The following WDR35 variants were observed in gnomAD, a reference collection of about 807,000 sequenced individuals.
WDR35 encodes WD repeat domain 35.
In WDR35, 118 loss-of-function variants were observed where a neutral mutation model predicts 158.3. The ratio of observed to expected loss-of-function variants is 0.75; its 90% CI spans 0.64 to 0.87. WDR35 has a LOEUF of 0.87. Ranked by LOEUF, WDR35 falls within the 40% of genes least tolerant of loss-of-function variation. The probability of loss-of-function intolerance (pLI) is 0.00; values close to 1 mark genes in which losing one functional copy is unlikely to be tolerated. For missense variants in WDR35, 1,263 were observed against 1,405.8 expected (o/e 0.90, Z 1.62); for synonymous variants, 448 against 476.1 (o/e 0.94, Z 0.77).
chr2:19,936,098 A>G (rs903242295), intron 20 of WDR35, 121 bp downstream of exon 20: 3 of 1,451,770 alleles, frequency 2.1e-6, no homozygotes, highest in Non-Finnish European at 2.8e-6. Flanking sequence ...ATCTAGAGCT[A>G]TCTGAATTTT....
At chr2:19,950,221 A>T (rs1245949277) in intron 13 of WDR35, among the ~76,000 whole-genome samples, 2 of 152,198 alleles carry the variant, frequency 1.3e-5, no homozygotes, top group Non-Finnish European at 2.9e-5. Context: ...GAAAAGCCAG[A>T]GATAAAACCA....
At chr2:19,939,810 A>G (rs1670811950) in intron 17 of WDR35, among the ~76,000 whole-genome samples, 2 of 152,162 alleles carry the variant, frequency 1.3e-5, no homozygotes, top group South Asian at 4.1e-4. Context: ...AATTTAACCA[A>G]CACTTTCTGA....
chr2:19,985,899 G>GAAAAAAAAA (rs70939024), intron 2 of WDR35, among the ~76,000 whole-genome samples: 1 of 71,166 alleles, frequency 1.4e-5, no homozygotes, highest in Non-Finnish European at 2.9e-5. Context: ...CCCATCTCGG[G>GAAAAAAAAA]AAAAAAAAAA....
chr2:19,932,569 G>T, intron 22 of WDR35, 122 bp from the exon 23 acceptor site: 1 of 1,221,332 alleles, frequency 8.2e-7, no homozygotes, highest in Non-Finnish European at 1.2e-6. Flanking sequence ...AAACTGGTAT[G>T]TTTTAAAAAT....
Position 19,914,107 on chromosome 2 carries a change from C to A in WDR35, c.3292G>T (p.Ala1098Ser), listed in dbSNP as rs762722202. Reference protein sequence around the residue: ...SEQKQQYEDLALEIFTKHTSK... With the variant: ...SEQKQQYEDLSLEIFTKHTSK... ...GTATGTTTGGTGAAGATTTCTAAAG[C>A]AAGGTCTTCATACTGCTGTTTCTGT... Residue 1098 changes from alanine (A) to serine (S), a missense_variant, in exon 26 of 27, where the codon GCT becomes TCT. Coordinates refer to ENST00000281405, the MANE Select transcript of WDR35 (RefSeq NM_020779.4). 6.2e-7 allele frequency: 1 copy of A among 1,614,150 alleles called. No individual in the cohort carries two copies. Among genetic ancestry groups the A allele is most frequent in the African/African-American group, 1.3e-5 (1 of 75,046 alleles).
At chr2:19,970,363 C>T (rs1208520053) in intron 8 of WDR35, among the ~76,000 whole-genome samples, 2 of 152,194 alleles carry the variant, frequency 1.3e-5, no homozygotes, top group African/African-American at 4.8e-5. Flanking sequence ...CCAAGTCCTA[C>T]TGCTTTTACT....
chr2:19,934,024 A>AACCACCACCACCACCACCACCACC lies in WDR35; in HGVS notation c.2548-537_2548-514dup, dbSNP rs57759587. 4.3e-4 allele frequency among the ~76,000 whole-genome samples: 45 copies of AACCACCACCACCACCACCACCACC among 105,094 alleles called. 2 individuals are homozygous for AACCACCACCACCACCACCACCACC. The highest frequency in any genetic ancestry group is 3.9e-3 in the Middle Eastern group (1 of 254). The allele number at this position is 105,094 out of a possible 152,430, so 68.9% of individuals were successfully genotyped here. ...TTGGAAAGTGGTGGCAGCGAGGAAG[A>AACCACCACCACCACCACCACCACC]ACCACCACCACCACCACCACCACCA... On this transcript the variant is annotated intron_variant, in intron 21 of 26. Transcript: ENST00000281405. The surrounding 1 kb of genome is among the most constrained non-coding windows in gnomAD (Gnocchi z 4.6).
rs1486036674 is a variant in WDR35 at position 19,945,811 on chromosome 2, TAC to T, written c.1818_1819del (p.Met606IlefsTer9). ...CTCAGGATCCAAGTTTCTGAAAACA[TAC>T]ATTCTTGTCTTCTCCATCATTGCAA... On this transcript the variant is annotated frameshift_variant, in exon 16 of 27. Coordinates refer to ENST00000281405, the MANE Select transcript of WDR35 (RefSeq NM_020779.4). LOFTEE classifies it high-confidence loss of function. 1 of 1,613,866 alleles carries T rather than the reference TAC, an allele frequency of 6.2e-7. No homozygotes were observed. The highest frequency in any genetic ancestry group is 8.5e-7 in the Non-Finnish European group (1 of 1,179,782).
In WDR35 at chr2:19,967,204, A is replaced by G. The variant is rs10495700; in HGVS notation, c.1009-295T>C. ...TAAAAATTTTCAATAATCAATAATA[A>G]CTGCTGGAGAGGGGACAACAGGTAG... On this transcript the variant is annotated intron_variant, in intron 9 of 26. Transcript: ENST00000281405. Among the ~76,000 whole-genome samples, 69,600 of 152,024 alleles carry G rather than the reference A, an allele frequency of 0.46. 16,149 individuals carry two copies. The highest frequency in any genetic ancestry group is 0.64 in the East Asian group (3,308 of 5,174).
At chr2:19,981,443 A>G (rs1276326687) in intron 3 of WDR35, among the ~76,000 whole-genome samples, 3 of 152,216 alleles carry the variant, frequency 2.0e-5, no homozygotes, top group African/African-American at 7.2e-5. Context: ...TGTCCTTTAT[A>G]GACACTTGTT....
intron 12 of WDR35, among the ~76,000 whole-genome samples, chr2:19,952,077 T>C (rs1019025732): frequency 1.3e-5 from 2 of 151,816 alleles, no homozygotes; most frequent in Non-Finnish European, 2.9e-5. Context: ...ATATATTGAG[T>C]AGTGGTGATG....
At chr2:19,914,313 A>T in intron 25 of WDR35, 36 bp from the exon 26 acceptor site, 7 of 1,612,288 alleles carry the variant, frequency 4.3e-6, no homozygotes, top group Non-Finnish European at 5.9e-6. Context: ...TTTTTAAAAT[A>T]ATTATTATGA....
chr2:19,986,554 G>A (rs2103470570), intron 2 of WDR35, among the ~76,000 whole-genome samples: 1 of 152,312 alleles, frequency 6.6e-6, no homozygotes, highest in South Asian at 2.1e-4. Context: ...AATGTTTCAA[G>A]TCAAATCCTG....
intron 2 of WDR35, among the ~76,000 whole-genome samples, chr2:19,986,565 A>G (rs1314076601): frequency 6.6e-6 from 1 of 152,256 alleles, no homozygotes; most frequent in Non-Finnish European, 1.5e-5. Context: ...TCAAATCCTG[A>G]TGAGTCAATA....
At chr2:19,984,974 G>A (rs1260574007) in intron 2 of WDR35, among the ~76,000 whole-genome samples, 1 of 152,178 alleles carries the variant, frequency 6.6e-6, no homozygotes, top group African/African-American at 2.4e-5. Flanking sequence ...GCTTCTCTGT[G>A]TGAATGACTG....
intron 12 of WDR35, 49 bp from the exon 13 acceptor site, chr2:19,951,533 T>TTAA: frequency 1.4e-6 from 2 of 1,395,016 alleles, no homozygotes; most frequent in Middle Eastern, 1.8e-4. Context: ...TAGTTTATAC[T>TTAA]ATTTCATAAT....
chr2:19,977,431 T>C (rs1672249795), intron 5 of WDR35, among the ~76,000 whole-genome samples: 1 of 152,232 alleles, frequency 6.6e-6, no homozygotes, highest in African/African-American at 2.4e-5. Flanking sequence ...CTCTGGATAC[T>C]GCCCTGGGGA....
chr2:19,937,977 G>A (rs1183660323), intron 18 of WDR35, 31 bp from the exon 19 acceptor site: 1 of 1,610,716 alleles, frequency 6.2e-7, no homozygotes, highest in Non-Finnish European at 8.5e-7. Flanking sequence ...AAACATAAGT[G>A]CATATTGCAA....
chr2:19,988,120 G>A (rs535787580), intron 2 of WDR35, among the ~76,000 whole-genome samples: 3 of 152,236 alleles, frequency 2.0e-5, no homozygotes, highest in African/African-American at 7.2e-5. Context: ...TCACATCCTT[G>A]TTCCGCCACT....
Sources: gnomAD v4.1 joint callset for allele counts (sites outside exome capture counted in the v4.1 genomes callset) on GRCh38, gnomAD v4.1.1 for gene constraint, Gnocchi (gnomAD v3.1) non-coding constraint, MANE v1.5 for transcripts, NCBI Gene and HGNC (gene_info 2026-07-23, HGNC 2026-07-21) for gene names.